Variants in SUN2 observed in about 807,000 individuals in gnomAD.
SUN2 encodes the protein SUN domain-containing protein 2.
Under a neutral mutation model 100.0 loss-of-function variants are expected in SUN2, and 60 were observed. That is an observed-to-expected ratio of 0.60 (90% confidence interval 0.49 to 0.74). SUN2 has a LOEUF of 0.74. SUN2 is among the 30% of genes least tolerant of loss of function. The pLI, the probability that SUN2 is intolerant of heterozygous loss-of-function variation, is 0.00. For missense variants in SUN2, 834 were observed against 954.6 expected (o/e 0.87, Z 1.66); for synonymous variants, 367 against 403.3 (o/e 0.91, Z 1.08).
intron 8 of SUN2, chr22:38,745,196 C>T (rs2092893273): frequency 2.1e-6 from 1 of 470,942 alleles, no homozygotes; most frequent in African/African-American, 2.0e-5. Flanking sequence ...GAGCAAAGTG[C>T]ACATGGAGTA....
chr22:38,737,974 C>T lies in SUN2; in HGVS notation c.2040+199G>A, dbSNP rs1024542380. 1 of 708,438 alleles carries T rather than the reference C, an allele frequency of 1.4e-6. No homozygotes were observed. The highest frequency in any genetic ancestry group is 2.6e-6 in the Non-Finnish European group (1 of 380,212). The allele number at this position is 708,438 out of a possible 1,614,324, so 43.9% of individuals were successfully genotyped here. ...AGGAAGCTTCCCTCATGCTGCCCTT[C>T]TGGAAGGTGCCTTCCCCTGTGCTGA... On this transcript the variant is annotated intron_variant, in intron 17 of 17. Transcript: ENST00000689035. This position sits in a 1 kb window ranked among gnomAD's most constrained non-coding sequence, Gnocchi z 4.1.
intron 8 of SUN2, chr22:38,745,209 G>A: frequency 4.2e-6 from 2 of 470,694 alleles, no homozygotes; most frequent in Admixed American, 4.7e-5. Context: ...ATGGAGTACA[G>A]CTGTCCTAGG....
Position 38,739,713 on chromosome 22 carries a change from G to C in SUN2, c.1578+9C>G. 1 of 1,612,358 alleles carries C rather than the reference G, an allele frequency of 6.2e-7. No individual in the cohort carries two copies. The highest frequency in any genetic ancestry group is 8.5e-7 in the Non-Finnish European group (1 of 1,179,140). On this transcript the variant is annotated intron_variant, in intron 13 of 17. Transcript: ENST00000689035. The surrounding 1 kb of genome is among the most constrained non-coding windows in gnomAD (Gnocchi z 6.7). ...GGTGGGTGTGTGGAGAGGGGCATGT[G>C]GGCCTCACCTCCTCTGTCACTCCAA...
At chr22:38,754,574 GTC>G (rs2089595354) in intron 1 of SUN2, 3 of 1,099,780 alleles carry the variant, frequency 2.7e-6, no homozygotes, top group Non-Finnish European at 2.4e-6. Context: ...CTGGGTCCTT[GTC>G]TCTATTCCTG....
At chr22:38,754,630 T>A (rs1569308493) in intron 1 of SUN2, 3 of 514,978 alleles carry the variant, frequency 5.8e-6, no homozygotes, top group Non-Finnish European at 9.9e-6. Context: ...GCCCCGCCCG[T>A]ACGGTCCCTA....
chr22:38,738,505 T>TCCA lies in SUN2; in HGVS notation c.1947+81_1947+82insTGG. ...ACTCCCCTCCCTTCCAGTCCAAGGG[T>TCCA]GACCCTGACTTGATCCTCAGTAGAG... is the stretch of plus-strand genomic sequence containing the variant. On this transcript the variant is annotated intron_variant, in intron 16 of 17. Transcript: ENST00000689035. This position sits in a 1 kb window ranked among gnomAD's most constrained non-coding sequence, Gnocchi z 6.6. 6.5e-7 allele frequency: 1 copy of TCCA among 1,538,286 alleles called. No individual in the cohort carries two copies. Among genetic ancestry groups the TCCA allele is most frequent in the South Asian group, 1.2e-5 (1 of 82,910 alleles).
chr22:38,754,614 C>T (rs1188882076), intron 1 of SUN2: 11 of 788,860 alleles, frequency 1.4e-5, no homozygotes, highest in Admixed American at 2.4e-5. Context: ...CCCCTCCCCC[C>T]TCCCTGCCCC....
In SUN2 at chr22:38,755,925, G is replaced by T. The variant is rs951363810; in HGVS notation, c.-200C>A. On this transcript the variant is annotated 5_prime_UTR_variant, in exon 1 of 18. Coordinates refer to ENST00000689035, the MANE Select transcript of SUN2 (RefSeq NM_015374.3). This position sits in a 1 kb window ranked among gnomAD's most constrained non-coding sequence, Gnocchi z 5.7. ...GGGCACGCGAAGAGCGGCGACGCGG[G>T]ACAAGGCGGGCGGGCGGACAATGCG... 3.1e-6 allele frequency: 3 copies of T among 983,088 alleles called. No homozygotes were observed. Among genetic ancestry groups the T allele is most frequent in the Non-Finnish European group, 3.6e-6 (3 of 829,164 alleles). The allele number at this position is 983,088 out of a possible 1,614,324, so 60.9% of individuals were successfully genotyped here.
rs950187445 is a variant in SUN2 at position 38,742,405 on chromosome 22, C to T, written c.964G>A (p.Gly322Ser). The T allele has an allele frequency of 3.7e-6, 6 of 1,613,342 alleles. No individual in the cohort carries two copies. The highest frequency in any genetic ancestry group is 5.1e-6 in the Non-Finnish European group (6 of 1,179,964). Residue 322 changes from glycine (G) to serine (S), a missense_variant, in exon 9 of 18, where the codon GGC (glycine) becomes AGC (serine). By Grantham distance (56) the Gly-to-Ser change is moderately conservative. Transcript: ENST00000689035. ...QGAPGQGGGGGLSHEDTLALL... is the reference protein window; with the variant it reads ...QGAPGQGGGGSLSHEDTLALL... ...GCCAGGGTGTCCTCGTGGCTCAGGC[C>T]ACCACCACCTCCCTGGCCAGGAGCC...
intron 7 of SUN2, 119 bp from the exon 8 acceptor site, chr22:38,745,930 C>G: frequency 6.9e-7 from 1 of 1,449,100 alleles, no homozygotes; most frequent in Non-Finnish European, 9.2e-7. Flanking sequence ...TGGAGCTGTG[C>G]CCTTCCAGAG....
intron 9 of SUN2, 140 bp downstream of exon 9, chr22:38,742,161 G>T: frequency 9.4e-7 from 1 of 1,058,754 alleles, no homozygotes; most frequent in Non-Finnish European, 1.3e-6. Flanking sequence ...AAAAAAAAAA[G>T]AAAAAAAGAG....
In SUN2 at chr22:38,739,622, A is replaced by G. The variant is rs1307958011; in HGVS notation, c.1578+100T>C. ...GCAAAGCCTCCTGCTTGGCACTTCCATCCTGGAACCTGCCAGGGAGCTGGC... is the reference window on the plus strand; with the variant it reads ...GCAAAGCCTCCTGCTTGGCACTTCCGTCCTGGAACCTGCCAGGGAGCTGGC... On this transcript the variant is annotated intron_variant, in intron 13 of 17. Coordinates refer to ENST00000689035, the MANE Select transcript of SUN2 (RefSeq NM_015374.3). This position sits in a 1 kb window ranked among gnomAD's most constrained non-coding sequence, Gnocchi z 6.7. 11 of 1,450,422 alleles carry G rather than the reference A, an allele frequency of 7.6e-6. No homozygotes were observed. In the Admixed American group the frequency reaches 2.1e-4, roughly 27 times the overall value. 89.8% of individuals were successfully genotyped at this position (1,450,422 alleles called of 1,614,324 possible).
At chr22:38,741,996 T>C (rs1449917007) in intron 9 of SUN2, among the ~76,000 whole-genome samples, 4 of 151,780 alleles carry the variant, frequency 2.6e-5, no homozygotes, top group Non-Finnish European at 4.4e-5. Context: ...CAAAATTAGC[T>C]GGATGTGGTG....
Position 38,740,518 on chromosome 22 carries a change from G to T in SUN2, c.1191-86C>A. ...AAAGATGAAAGAGGACCCCCTAGTG[G>T]GCTCCCGTCAGGAGAGCGGGTGCCC... On this transcript the variant is annotated intron_variant, in intron 11 of 17. Transcript: ENST00000689035. This position sits in a 1 kb window ranked among gnomAD's most constrained non-coding sequence, Gnocchi z 4.8. 7.3e-7 allele frequency: 1 copy of T among 1,373,088 alleles called. No individual in the cohort carries two copies. The highest frequency in any genetic ancestry group is 9.6e-7 in the Non-Finnish European group (1 of 1,046,548). 85.1% of individuals were successfully genotyped at this position (1,373,088 alleles called of 1,614,324 possible).
chr22:38,735,086 G>C lies in SUN2; in HGVS notation c.*1181C>G. ...TAGGAATCAAGCCCTTAGCTTTTCA[G>C]TTAGAAAAACAGACCTTGAAAAATA... On this transcript the variant is annotated 3_prime_UTR_variant, in exon 18 of 18. Transcript: ENST00000689035. The C allele has an allele frequency of 3.0e-6, 1 of 331,968 alleles. No individual in the cohort carries two copies. The highest frequency in any genetic ancestry group is 5.9e-6 in the Non-Finnish European group (1 of 168,290). 20.6% of individuals were successfully genotyped at this position (331,968 alleles called of 1,614,324 possible).
At chr22:38,751,487 T>C in intron 2 of SUN2, 114 bp from the exon 3 acceptor site, 1 of 1,162,910 alleles carries the variant, frequency 8.6e-7, no homozygotes. Context: ...GGTTCCCTTG[T>C]TGCTAGGCAA....
chr22:38,743,820 G>A (rs576596640), intron 8 of SUN2: 1 of 152,260 alleles, frequency 6.6e-6, no homozygotes, highest in East Asian at 1.9e-4. Context: ...AAAAGGAAAA[G>A]TCATAGATGA....
In SUN2 at chr22:38,739,785, C is replaced by T; in HGVS notation, c.1515G>A (p.Arg505=). ...HVAEMQGKSA[R]EAAASLSLTL... Reference sequence around the variant, plus strand: ...TCAGGCTCAGGGAGGCCGCGGCTTCCCTGGCCGACTTGCCCTGCATCTCTG... The same window carrying T: ...TCAGGCTCAGGGAGGCCGCGGCTTCTCTGGCCGACTTGCCCTGCATCTCTG... Residue 505 remains arginine (R), a synonymous_variant, in exon 13 of 18, where the codon AGG becomes AGA. Transcript: ENST00000689035. This position sits in a 1 kb window ranked among gnomAD's most constrained non-coding sequence, Gnocchi z 6.7. 1 of 1,613,650 alleles carries T rather than the reference C, an allele frequency of 6.2e-7. No individual in the cohort carries two copies. Among genetic ancestry groups the T allele is most frequent in the South Asian group, 1.1e-5 (1 of 91,084 alleles).
rs1022758769 is a variant in SUN2 at position 38,734,960 on chromosome 22, G to A, written c.*1307C>T. Reference sequence around the variant, plus strand: ...CTGCCCGCCTTCTTGCCCCTTCCCCGCAGCCAGACCACCAGACACAGCCGG... The same window carrying A: ...CTGCCCGCCTTCTTGCCCCTTCCCCACAGCCAGACCACCAGACACAGCCGG... On this transcript the variant is annotated 3_prime_UTR_variant, in exon 18 of 18. Transcript: ENST00000689035. 3.4e-5 allele frequency: 9 copies of A among 265,542 alleles called. No homozygotes were observed. Among genetic ancestry groups the A allele is most frequent in the Admixed American group, 3.0e-4 (6 of 19,718 alleles). The allele number at this position is 265,542 out of a possible 1,614,324, so 16.4% of individuals were successfully genotyped here. A position where few individuals can be genotyped will look rare whatever the true frequency, so the allele number is the denominator to read the frequency against.
Sources: gnomAD v4.1 joint callset for allele counts (sites outside exome capture counted in the v4.1 genomes callset) on GRCh38, gnomAD v4.1.1 for gene constraint, Gnocchi (gnomAD v3.1) non-coding constraint, MANE v1.5 for transcripts, NCBI Gene and HGNC (gene_info 2026-07-23, HGNC 2026-07-21) for gene names.